CDK17: variants seen among roughly 807,000 people sequenced by gnomAD.
CDK17 encodes cyclin-dependent kinase 17.
Under a neutral mutation model 77.6 loss-of-function variants are expected in CDK17, and 24 were observed. The observed-to-expected ratio is 0.31, with a 90% confidence interval of 0.22 to 0.44. CDK17 has a LOEUF of 0.44. Ranked by LOEUF, CDK17 falls within the 20% of genes least tolerant of loss-of-function variation. CDK17 has a pLI of 1.00. For synonymous variants in CDK17, 203 were observed against 210.4 expected, an observed-to-expected ratio of 0.96 and a Z score of 0.30; for missense variants, 429 against 622.5, an observed-to-expected ratio of 0.69 and a Z score of 3.31.
chr12:96,313,286 AT>A (rs1312717120), intron 4 of CDK17, 34 bp downstream of exon 4: 11 of 1,530,434 alleles, frequency 7.2e-6, no homozygotes, highest in Non-Finnish European at 8.8e-6. Flanking sequence ...CAACACACAT[AT>A]TCACAAGTAT....
chr12:96,301,546 T>C (rs1238113434), intron 5 of CDK17, among the ~76,000 whole-genome samples: 1 of 152,178 alleles, frequency 6.6e-6, no homozygotes, highest in East Asian at 1.9e-4. Context: ...TTAAAGTTGC[T>C]TTCTAGTACC....
chr12:96,288,449 G>A (rs902725445), intron 11 of CDK17, among the ~76,000 whole-genome samples: 1 of 152,116 alleles, frequency 6.6e-6, no homozygotes, highest in Non-Finnish European at 1.5e-5. Flanking sequence ...CCAGATGGGT[G>A]GACTGGTATG....
At chr12:96,389,316 A>T (rs948620727) in intron 1 of CDK17, among the ~76,000 whole-genome samples, 9 of 152,112 alleles carry the variant, frequency 5.9e-5, no homozygotes, top group Admixed American at 2.6e-4. Flanking sequence ...GGTTATTATA[A>T]GTTATTACTG....
chr12:96,381,131 C>T (rs1167000347), intron 1 of CDK17, among the ~76,000 whole-genome samples: 3 of 152,040 alleles, frequency 2.0e-5, no homozygotes, highest in Admixed American at 6.6e-5. Context: ...TATCATAAAC[C>T]ACATAACCTT....
intron 5 of CDK17, among the ~76,000 whole-genome samples, chr12:96,309,017 A>G (rs1185542932): frequency 6.6e-6 from 1 of 152,192 alleles, no homozygotes; most frequent in African/African-American, 2.4e-5. Context: ...TATTGCTATG[A>G]AACAAAAATG....
At chr12:96,329,212 G>C (rs1427631645) in intron 2 of CDK17, among the ~76,000 whole-genome samples, 1 of 151,952 alleles carries the variant, frequency 6.6e-6, no homozygotes, top group African/African-American at 2.4e-5. Context: ...TATAGACATG[G>C]GTAGCAGTGA....
At chr12:96,370,156 G>A (rs1953668637) in intron 1 of CDK17, among the ~76,000 whole-genome samples, 1 of 152,172 alleles carries the variant, frequency 6.6e-6, no homozygotes, top group Non-Finnish European at 1.5e-5. Flanking sequence ...AAATGTATGT[G>A]AGAAAATTGG....
At chr12:96,368,338 C>G (rs181606349) in intron 1 of CDK17, among the ~76,000 whole-genome samples, 5 of 152,182 alleles carry the variant, frequency 3.3e-5, no homozygotes, top group Non-Finnish European at 7.3e-5. Context: ...CTTGTTCCCT[C>G]TTTCAAAGGT....
rs1214467659 is a variant in CDK17 at position 96,313,461 on chromosome 12, C to A, written c.284-7G>T. On this transcript the variant is annotated splice_region_variant and splice_polypyrimidine_tract_variant and intron_variant, in intron 3 of 16. Transcript: ENST00000261211. ...AGATTTTCATGAACAATATCTATAT[C>A]AAAAAATGAGACATTAAAAGAGATA... 4 of 1,499,694 alleles carry A rather than the reference C, an allele frequency of 2.7e-6. No homozygotes were observed. The African/African-American group carries it at 5.7e-5, about 21-fold the overall frequency. 92.9% of individuals were successfully genotyped at this position (1,499,694 alleles called of 1,614,324 possible). A position where few individuals can be genotyped will look rare whatever the true frequency, so the allele number is the denominator to read the frequency against.
At chr12:96,341,312 T>TAGAC (rs1423951621) in intron 1 of CDK17, among the ~76,000 whole-genome samples, 30 of 77,556 alleles carry the variant, frequency 3.9e-4, no homozygotes, top group African/African-American at 1.5e-3. Context: ...GCACTTATCA[T>TAGAC]ATACATACAC....
intron 16 of CDK17, chr12:96,280,602 T>C: frequency 1.4e-6 from 2 of 1,414,530 alleles, no homozygotes; most frequent in South Asian, 3.3e-5. Flanking sequence ...CTGACTTGAC[T>C]GAGTCAGATT....
At chr12:96,339,721 G>C (rs552853565) in intron 1 of CDK17, among the ~76,000 whole-genome samples, 1 of 152,104 alleles carries the variant, frequency 6.6e-6, no homozygotes, top group South Asian at 2.1e-4. Flanking sequence ...CTTGAGGCCG[G>C]GAGTTCAAGA....
intron 4 of CDK17, 37 bp from the exon 5 acceptor site, chr12:96,311,214 G>T: frequency 6.7e-7 from 1 of 1,491,550 alleles, no homozygotes; most frequent in South Asian, 1.4e-5. Context: ...AATAGTAAAG[G>T]CAAGGCATTT....
In CDK17 at chr12:96,400,304, C is replaced by T. The variant is rs956799012; in HGVS notation, c.-348G>A. On this transcript the variant is annotated 5_prime_UTR_variant, in exon 1 of 17. Transcript: ENST00000261211. The stretch of plus-strand genomic sequence containing the variant: ...GCGCGAGCGCGGCGGGCGCCGACGG[C>T]GGGCTGAGACTGTCTGGCCGGGCGC... 1 of 389,548 alleles carries T rather than the reference C, an allele frequency of 2.6e-6. No individual in the cohort carries two copies. The highest frequency in any genetic ancestry group is 4.5e-6 in the Non-Finnish European group (1 of 220,140). 24.1% of individuals were successfully genotyped at this position (389,548 alleles called of 1,614,324 possible). A position where few individuals can be genotyped will look rare whatever the true frequency, so the allele number is the denominator to read the frequency against.
chr12:96,362,543 TG>T (rs1167892971), intron 1 of CDK17, among the ~76,000 whole-genome samples: 5 of 152,188 alleles, frequency 3.3e-5, no homozygotes, highest in Admixed American at 2.0e-4. Context: ...TATAAAATCT[TG>T]GTTTTGAAAA....
chr12:96,308,541 C>T (rs560349581), intron 5 of CDK17, among the ~76,000 whole-genome samples: 53 of 151,800 alleles, frequency 3.5e-4, no homozygotes, highest in African/African-American at 1.3e-3. Flanking sequence ...CCAGCCTGGC[C>T]AACATGGTGA....
intron 2 of CDK17, among the ~76,000 whole-genome samples, chr12:96,325,947 C>T (rs1592730225): frequency 1.3e-5 from 2 of 152,174 alleles, no homozygotes; most frequent in South Asian, 4.1e-4. Flanking sequence ...TCACTTGTGC[C>T]CAGGAGTTTG....
chr12:96,351,940 A>G (rs950085342), intron 1 of CDK17, among the ~76,000 whole-genome samples: 6 of 152,206 alleles, frequency 3.9e-5, no homozygotes, highest in Admixed American at 2.6e-4. Context: ...CAGACAAACT[A>G]TAAAATCATA....
rs1592735246 is a variant in CDK17 at position 96,334,797 on chromosome 12, C to T, written c.40G>A (p.Gly14Arg). ...FKRRLSLTLR[G>R]SQTIDESLSE... ...AATGATTCATCAATAGTCTGACTTC[C>T]TCGGAGTGTGAGGGATAGCCTTCTC... Residue 14 changes from glycine (G) to arginine (R), a missense_variant, in exon 2 of 17, where the codon GGA becomes AGA. Around this residue, in one of 4 missense-constraint regions of CDK17, gnomAD observed 262 missense variants for 385.4 expected, o/e 0.68. Transcript: ENST00000261211. The T allele has an allele frequency of 1.9e-6, 3 of 1,611,292 alleles. No homozygotes were observed. The East Asian group carries it at 6.7e-5, about 36-fold the overall frequency.
Sources: gnomAD v4.1 joint callset for allele counts (sites outside exome capture counted in the v4.1 genomes callset) on GRCh38, gnomAD v4.1.1 for gene constraint, gnomAD v4.1.1 regional missense constraint, MANE v1.5 for transcripts, NCBI Gene and HGNC (gene_info 2026-07-23, HGNC 2026-07-21) for gene names.